The following USH2A variants were observed in gnomAD, a reference collection of about 807,000 sequenced individuals.
USH2A encodes usherin.
USH2A carries 443 observed loss-of-function variants against 538.9 expected under a neutral mutation model. The observed-to-expected ratio is 0.82, with a 90% CI of 0.76 to 0.89. The LOEUF is 0.89. Among genes scored for constraint, USH2A ranks in the 40% least tolerant of loss-of-function variants. USH2A has a pLI of 0.00. For synonymous variants in USH2A, 2,413 were observed against 2,273.5 expected (o/e 1.06, Z -1.75); for missense variants, 6,633 against 6,324.8 (o/e 1.05, Z -1.65).
chr1:215,648,590 C>T lies in USH2A; in HGVS notation c.14520G>A (p.Leu4840=), dbSNP rs1430287690. The part of the protein sequence containing the change: ...SGLSSPQIGT[L]ASRTASFRWS... ...ACCGGAAGGAGGCCGTCCTTGAGGC[C>T]AGCGTCCCGATTTGTGGAGAGGACA... is the stretch of plus-strand genomic sequence containing the variant. Residue 4840 remains leucine, a synonymous_variant, in exon 66 of 72, where the codon CTG becomes CTA. Coordinates refer to ENST00000307340, the MANE Select transcript of USH2A (RefSeq NM_206933.4). 1 of 1,614,062 alleles carries T rather than the reference C, an allele frequency of 6.2e-7. No homozygotes were observed. The highest frequency in any genetic ancestry group is 1.7e-5 in the Admixed American group (1 of 60,008).
At chr1:216,270,198 T>G (rs1257420380) in intron 11 of USH2A, among the ~76,000 whole-genome samples, 1 of 152,066 alleles carries the variant, frequency 6.6e-6, no homozygotes, top group Non-Finnish European at 1.5e-5. Context: ...AGAACTAATG[T>G]TCTATAGATT....
rs375235470 is a variant in USH2A, at chr1:215,993,024, C to T, written c.6801G>A (p.Pro2267=). 253 of 1,613,962 alleles carry T rather than the reference C, an allele frequency of 1.6e-4. No homozygotes were observed. The highest frequency in any genetic ancestry group is 1.1e-3 in the Admixed American group (64 of 60,002). Residue 2267 remains proline (P), a synonymous_variant, in exon 35 of 72, where the codon CCG becomes CCA. Coordinates refer to ENST00000307340, the MANE Select transcript of USH2A (RefSeq NM_206933.4). ...AGGCTAAAAGAGTTCACTTACCATT[C>T]GGATATTCAGGCTCAGTCCAGGAGA... ...FNVSWTEPEY[P]NGVITSYGLY... is the part of the protein sequence containing the mutation.
chr1:215,647,383 C>T, intron 67 of USH2A, 139 bp downstream of exon 67: 2 of 1,073,904 alleles, frequency 1.9e-6, no homozygotes, highest in Admixed American at 2.0e-5. Context: ...TAGTCATCCT[C>T]ATCAATGCTT....
chr1:215,823,525 T>C (rs1283775516), intron 47 of USH2A, among the ~76,000 whole-genome samples: 1 of 152,082 alleles, frequency 6.6e-6, no homozygotes, highest in Non-Finnish European at 1.5e-5. Flanking sequence ...AATAATCTTA[T>C]TTTAATCAAA....
chr1:216,198,713 T>C, intron 17 of USH2A, 129 bp from the exon 18 acceptor site: 1 of 873,460 alleles, frequency 1.1e-6, no homozygotes, highest in Admixed American at 2.4e-5. Flanking sequence ...ACTGTCAATT[T>C]CTTTAGCATT....
intron 47 of USH2A, among the ~76,000 whole-genome samples, chr1:215,827,685 AG>A (rs1461299618): frequency 2.0e-5 from 3 of 152,128 alleles, no homozygotes; most frequent in Admixed American, 2.0e-4. Flanking sequence ...CTCTCTTTCA[AG>A]GTTCTACCCA....
chr1:216,112,196 C>T (rs1019109041), intron 21 of USH2A, among the ~76,000 whole-genome samples: 1 of 152,004 alleles, frequency 6.6e-6, no homozygotes, highest in Non-Finnish European at 1.5e-5. Context: ...CCCAAACATT[C>T]CTTAGAATAC....
intron 23 of USH2A, among the ~76,000 whole-genome samples, chr1:216,088,163 C>G (rs143805777): frequency 6.6e-6 from 1 of 152,210 alleles, no homozygotes; most frequent in African/African-American, 2.4e-5. Context: ...AAAGCATCCT[C>G]TTCCTGGATA....
intron 44 of USH2A, among the ~76,000 whole-genome samples, chr1:215,858,860 TAAC>T (rs552520411): frequency 1.3e-5 from 2 of 152,282 alleles, no homozygotes; most frequent in South Asian, 4.1e-4. Flanking sequence ...CGGGCTGCCT[TAAC>T]AAAATATTAA....
chr1:216,246,245 T>C (rs1447943143), intron 13 of USH2A, among the ~76,000 whole-genome samples: 1 of 152,188 alleles, frequency 6.6e-6, no homozygotes, highest in Non-Finnish European at 1.5e-5. Context: ...CAACTCAAAT[T>C]TTCCTTTCTC....
chr1:216,225,068 T>C (rs138523294), intron 14 of USH2A, among the ~76,000 whole-genome samples: 4 of 152,298 alleles, frequency 2.6e-5, no homozygotes, highest in Non-Finnish European at 5.9e-5. Context: ...ATAGCTGTTT[T>C]CCTATACTGC....
At chr1:216,401,277 CTA>C (rs1015647484) in intron 3 of USH2A, among the ~76,000 whole-genome samples, 1 of 151,972 alleles carries the variant, frequency 6.6e-6, no homozygotes, top group Non-Finnish European at 1.5e-5. Flanking sequence ...ACTAAAAACA[CTA>C]TACAAAAAAG....
chr1:216,289,181 C>A, intron 11 of USH2A, 99 bp downstream of exon 11: 1 of 1,562,454 alleles, frequency 6.4e-7, no homozygotes. Flanking sequence ...AGAGGATTTC[C>A]TGGCAAATGC....
intron 38 of USH2A, among the ~76,000 whole-genome samples, chr1:215,923,785 G>A (rs958974947): frequency 6.6e-6 from 1 of 152,058 alleles, no homozygotes; most frequent in Non-Finnish European, 1.5e-5. Context: ...TTATATGCCT[G>A]AGCCAAGGTA....
rs542767035 is a variant in USH2A at position 216,187,704 on chromosome 1, ATAT to A, written c.4396+2516_4396+2518del. On this transcript the variant is annotated intron_variant, in intron 20 of 71. Coordinates refer to ENST00000307340, the MANE Select transcript of USH2A (RefSeq NM_206933.4). ...CTGTGACTAACAAAAGTCTTCTATA[ATAT>A]TATGATAAAAATCATGACAATAAAT... is the stretch of plus-strand genomic sequence containing the variant. 1.8e-3 allele frequency among the ~76,000 whole-genome samples: 279 copies of A among 152,036 alleles called. 3 individuals carry two copies. Among genetic ancestry groups the A allele is most frequent in the African/African-American group, 6.6e-3 (273 of 41,516 alleles).
chr1:215,769,982 G>T lies in USH2A; in HGVS notation c.10940-3194C>A, dbSNP rs180789857. Among the ~76,000 whole-genome samples the T allele has an allele frequency of 2.6e-5, 4 of 152,236 alleles. No homozygotes were observed. The East Asian group carries it at 7.7e-4, about 29-fold the overall frequency. ...TGTAGCCATGCTGACCAGTTTAATG[G>T]ACCATGTGGGCAAAGGGTAGTAATA... On this transcript the variant is annotated intron_variant, in intron 55 of 71. Coordinates refer to ENST00000307340, the MANE Select transcript of USH2A (RefSeq NM_206933.4).
Position 215,634,475 on chromosome 1 carries a change from G to A in USH2A, c.15281C>T (p.Pro5094Leu), listed in dbSNP as rs727503714. The part of the protein sequence containing the change: ...KRMSPLNVYP[P>L]GENHMGLADT... ...CAAACATACCATATGGTTTTCCCCC[G>A]GTGGGTAAACATTCAATGGAGACAT... Residue 5094 changes from proline (P) to leucine (L), a missense_variant, in exon 70 of 72, where the codon CCG becomes CTG. By Grantham distance (98) the Pro-to-Leu change is moderately conservative (BLOSUM62 -3). Transcript: ENST00000307340. 6.6e-5 allele frequency: 106 copies of A among 1,614,162 alleles called. No homozygotes were observed. In the Middle Eastern group the frequency reaches 8.2e-4, roughly 13 times the overall value.
chr1:215,722,317 T>G lies in USH2A; in HGVS notation c.12066+5713A>C, dbSNP rs566144566. Reference sequence around the variant, plus strand: ...AAAGCTACATCTCCCAGAGTATTTCTGTTGTCTAATAAATGTGTCTGGGGA... The same window carrying G: ...AAAGCTACATCTCCCAGAGTATTTCGGTTGTCTAATAAATGTGTCTGGGGA... On this transcript the variant is annotated intron_variant, in intron 61 of 71. Transcript: ENST00000307340. Among the ~76,000 whole-genome samples the G allele has an allele frequency of 4.6e-5, 7 of 152,322 alleles. No individual in the cohort carries two copies. The South Asian group carries it at 1.5e-3, about 32-fold the overall frequency.
rs1012086509 is a variant in USH2A, at chr1:215,934,351, TGTGTGTGTATGTGTGTATG to T, written c.7300+246_7300+264del. ...GCAGAAATCCAGATATATATATGTG[TGTGTGTGTATGTGTGTATG>T]GTATATACACACACATACACACAGT... is the stretch of plus-strand genomic sequence containing the variant. On this transcript the variant is annotated intron_variant, in intron 38 of 71. Transcript: ENST00000307340. 1.5e-4 allele frequency among the ~76,000 whole-genome samples: 23 copies of T among 152,048 alleles called. No individual in the cohort carries two copies. In the South Asian group the frequency reaches 3.1e-3, roughly 21 times the overall value.
Sources: allele counts gnomAD v4.1 joint callset (sites outside exome capture counted in the v4.1 genomes callset), GRCh38; gene constraint gnomAD v4.1.1; transcripts MANE v1.5; gene names NCBI Gene and HGNC (gene_info 2026-07-23, HGNC 2026-07-21).